TFPI: variants seen among roughly 807,000 people sequenced by gnomAD.
The protein encoded by TFPI is tissue factor pathway inhibitor, also known as anti-convertin.
A neutral mutation model predicts 34.6 loss-of-function variants in TFPI; 15 were observed. The observed-to-expected ratio is 0.43, with a 90% CI of 0.29 to 0.67. TFPI has a LOEUF of 0.67. TFPI is among the 30% of genes least tolerant of loss of function. TFPI has a pLI of 0.15. For missense variants in TFPI, 301 were observed against 364.0 expected, an observed-to-expected ratio of 0.83 and a Z score of 1.41; for synonymous variants, 105 against 120.1, an observed-to-expected ratio of 0.87 and a Z score of 0.82.
At chr2:187,467,516 T>C (rs1026069745) in intron 7 of TFPI, among the ~76,000 whole-genome samples, 3 of 152,264 alleles carry the variant, frequency 2.0e-5, no homozygotes, top group South Asian at 4.1e-4. Context: ...ATTTGAACAC[T>C]AAAAGAATAA....
intron 1 of TFPI, among the ~76,000 whole-genome samples, chr2:187,551,754 T>C (rs993761440): frequency 7.6e-4 from 115 of 152,130 alleles, no homozygotes; most frequent in Non-Finnish European, 2.6e-4. Flanking sequence ...ATTGTAGCAA[T>C]CAGAAAGAAT....
intron 1 of TFPI, among the ~76,000 whole-genome samples, chr2:187,535,226 C>T (rs992690180): frequency 5.3e-5 from 8 of 152,086 alleles, no homozygotes; most frequent in African/African-American, 1.9e-4. Flanking sequence ...CTCAGCTCTG[C>T]AACAAGCAGA....
At chr2:187,493,506 A>T (rs8176469) in intron 3 of TFPI, among the ~76,000 whole-genome samples, 5,345 of 152,256 alleles carry the variant, frequency 0.035, 285 homozygotes, top group African/African-American at 0.11. Context: ...CTTGTTACTT[A>T]TGCAAATTTC....
intron 1 of TFPI, among the ~76,000 whole-genome samples, chr2:187,550,077 G>A (rs1329901085): frequency 3.3e-5 from 5 of 152,172 alleles, no homozygotes; most frequent in African/African-American, 1.2e-4. Context: ...CTGAGTTTGG[G>A]AGACAAAGCA....
At chr2:187,483,885 A>G (rs8176515) in intron 6 of TFPI, 4,694 of 467,106 alleles carry the variant, frequency 0.01, 192 homozygotes, top group African/African-American at 0.086. Flanking sequence ...AAAGTTTTTC[A>G]TGTGATACAT....
At chr2:187,520,706 A>C (rs908877002) in intron 1 of TFPI, 1 of 152,058 alleles carries the variant, frequency 6.6e-6, no homozygotes. Flanking sequence ...TATCTATATA[A>C]ATTGTTCGGA....
In TFPI at chr2:187,470,135, A is replaced by G. The variant is rs2268301; in HGVS notation, c.629-2203T>C. On this transcript the variant is annotated intron_variant, in intron 6 of 7. Transcript: ENST00000233156. The stretch of plus-strand genomic sequence containing the variant: ...AGTAACTTCGAAATAGATGTGTATG[A>G]TAAAATGATATATGACTTATACATC... Among the ~76,000 whole-genome samples, 541 of 152,292 alleles carry G rather than the reference A, an allele frequency of 3.6e-3. 12 individuals are homozygous for G. In the East Asian group the frequency reaches 0.057, roughly 16 times the overall value.
At chr2:187,476,794 T>C (rs887271381) in intron 6 of TFPI, among the ~76,000 whole-genome samples, 3 of 152,228 alleles carry the variant, frequency 2.0e-5, no homozygotes, top group African/African-American at 7.2e-5. Flanking sequence ...CCAGTCACTA[T>C]TAAATTCATA....
intron 1 of TFPI, among the ~76,000 whole-genome samples, chr2:187,528,105 A>G (rs1687769670): frequency 6.6e-6 from 1 of 152,100 alleles, no homozygotes; most frequent in South Asian, 2.1e-4. Context: ...ATTAAAATCT[A>G]AATTTCATTT....
intron 1 of TFPI, among the ~76,000 whole-genome samples, chr2:187,527,639 T>A (rs539937148): frequency 6.6e-6 from 1 of 152,180 alleles, no homozygotes; most frequent in African/African-American, 2.4e-5. Flanking sequence ...ATATATGACA[T>A]AAAATTAAAA....
chr2:187,540,636 T>C (rs1283146071), intron 1 of TFPI, among the ~76,000 whole-genome samples: 1 of 152,054 alleles, frequency 6.6e-6, no homozygotes, highest in East Asian at 1.9e-4. Context: ...ACGCTTGTAA[T>C]CCCAACGCTT....
chr2:187,530,603 G>A (rs1473778647), intron 1 of TFPI, among the ~76,000 whole-genome samples: 1 of 152,154 alleles, frequency 6.6e-6, no homozygotes, highest in Admixed American at 6.5e-5. Context: ...GTCTTTCAGA[G>A]CGTAAAATAA....
At chr2:187,507,369 G>A (rs1459467613) in intron 1 of TFPI, among the ~76,000 whole-genome samples, 2 of 151,978 alleles carry the variant, frequency 1.3e-5, no homozygotes, top group Non-Finnish European at 2.9e-5. Flanking sequence ...TGACAAACGT[G>A]TGAAAGCGTC....
chr2:187,509,632 C>A (rs1356958110), intron 1 of TFPI, among the ~76,000 whole-genome samples: 1 of 152,162 alleles, frequency 6.6e-6, no homozygotes, highest in Non-Finnish European at 1.5e-5. Flanking sequence ...TCTGTGGGAT[C>A]AGTGGTGATA....
At chr2:187,537,370 G>A (rs931409075) in intron 1 of TFPI, among the ~76,000 whole-genome samples, 6 of 152,128 alleles carry the variant, frequency 3.9e-5, no homozygotes, top group African/African-American at 7.2e-5. Context: ...AAAACAGCAC[G>A]GTACTGGTAC....
chr2:187,510,459 A>T (rs1001031905), intron 1 of TFPI, among the ~76,000 whole-genome samples: 2 of 152,234 alleles, frequency 1.3e-5, no homozygotes, highest in Admixed American at 6.5e-5. Context: ...GTGTGCTTTC[A>T]AAATGACAAA....
chr2:187,508,407 G>A (rs1466881631), intron 1 of TFPI, among the ~76,000 whole-genome samples: 1 of 152,134 alleles, frequency 6.6e-6, no homozygotes, highest in Non-Finnish European at 1.5e-5. Flanking sequence ...GGGCAGTATG[G>A]CCATTTTTCA....
intron 1 of TFPI, among the ~76,000 whole-genome samples, chr2:187,540,703 C>G (rs1460435065): frequency 6.6e-6 from 1 of 151,776 alleles, no homozygotes; most frequent in Non-Finnish European, 1.5e-5. Context: ...CCAGCTTGCC[C>G]AATGTTGTGA....
chr2:187,541,529 GC>G (rs1299224048), intron 1 of TFPI, among the ~76,000 whole-genome samples: 1 of 152,174 alleles, frequency 6.6e-6, no homozygotes, highest in African/African-American at 2.4e-5. Context: ...GAAATAAAAA[GC>G]CCCATATGTA....
Sources: gnomAD v4.1 joint callset for allele counts (sites outside exome capture counted in the v4.1 genomes callset) on GRCh38, gnomAD v4.1.1 for gene constraint, MANE v1.5 for transcripts, NCBI Gene and HGNC (gene_info 2026-07-23, HGNC 2026-07-21) for gene names.